The following ZFYVE1 variants were observed in gnomAD, a reference collection of about 807,000 sequenced individuals.
ZFYVE1 encodes zinc finger FYVE-type containing 1.
ZFYVE1 carries 30 observed loss-of-function variants against 74.4 expected under a neutral mutation model. The observed-to-expected ratio is 0.40, with a 90% CI of 0.30 to 0.55. The LOEUF is 0.55. Among genes scored for constraint, ZFYVE1 ranks in the 20% least tolerant of loss-of-function variants. ZFYVE1 has a pLI of 0.42. For synonymous variants in ZFYVE1, 335 were observed against 385.1 expected, an observed-to-expected ratio of 0.87 and a Z score of 1.52; for missense variants, 703 against 1,011.6, an observed-to-expected ratio of 0.69 and a Z score of 4.14.
chr14:72,997,672 C>T, intron 3 of ZFYVE1, 139 bp downstream of exon 3: 4 of 1,174,650 alleles, frequency 3.4e-6, no homozygotes, highest in East Asian at 4.9e-5. Context: ...ACTCCATCCT[C>T]CTTGAAACAC....
At chr14:72,992,736 G>A (rs748183296) in intron 4 of ZFYVE1, among the ~76,000 whole-genome samples, 5 of 150,910 alleles carry the variant, frequency 3.3e-5, no homozygotes, top group African/African-American at 4.9e-5. Flanking sequence ...CTAGTTTTCC[G>A]CTTATAGTGA....
chr14:72,998,319 CA>C lies in ZFYVE1; in HGVS notation c.484-5del, dbSNP rs3061072. The C allele has an allele frequency of 0.038, 45,045 of 1,186,294 alleles. No individual in the cohort carries two copies. The highest frequency in any genetic ancestry group is 0.1 in the East Asian group (3,434 of 34,480). 73.5% of individuals were successfully genotyped at this position (1,186,294 alleles called of 1,614,324 possible). On this transcript the variant is annotated splice_region_variant and splice_polypyrimidine_tract_variant and intron_variant, in intron 2 of 11. Coordinates refer to ENST00000556143, the MANE Select transcript of ZFYVE1 (RefSeq NM_021260.4). Reference sequence around the variant, plus strand: ...TAAAGTCTTCTTCATTTGTTACCTGCAAAAAAAAAAAAAAAGACCATGAAAT... The same window carrying C: ...TAAAGTCTTCTTCATTTGTTACCTGCAAAAAAAAAAAAAAGACCATGAAAT...
intron 3 of ZFYVE1, among the ~76,000 whole-genome samples, chr14:72,995,545 C>T (rs935397577): frequency 6.6e-6 from 1 of 152,132 alleles, no homozygotes; most frequent in African/African-American, 2.4e-5. Context: ...AATACAATAA[C>T]TTTTCAGGGG....
chr14:72,983,982 A>G (rs1024081803), intron 4 of ZFYVE1, among the ~76,000 whole-genome samples: 1 of 152,180 alleles, frequency 6.6e-6, no homozygotes, highest in African/African-American at 2.4e-5. Context: ...AAGTCCCTAC[A>G]AAGGCACGTA....
Position 72,998,264 on chromosome 14 carries a change from G to C in ZFYVE1, c.535C>G (p.His179Asp). 2.5e-6 allele frequency: 4 copies of C among 1,602,912 alleles called. No homozygotes were observed. The highest frequency in any genetic ancestry group is 3.4e-6 in the Non-Finnish European group (4 of 1,174,784). The change falls in exon 3 of 12, where the codon CAT becomes GAT. Residue 179 changes from histidine (H) to aspartate (D), a missense_variant. Physicochemically the swap from His to Asp is moderately conservative, Grantham distance 81. Coordinates refer to ENST00000556143, the MANE Select transcript of ZFYVE1 (RefSeq NM_021260.4). The part of the protein sequence containing the change: ...IRKLDCKPDQ[H>D]LKVVSIFGNT... ...CCAAAAATGGAAACCACTTTCAGAT[G>C]CTGATCAGGTTTGCAGTCCAATTTT...
intron 2 of ZFYVE1, among the ~76,000 whole-genome samples, chr14:73,008,224 A>T (rs1894020384): frequency 6.6e-6 from 1 of 152,168 alleles, no homozygotes; most frequent in South Asian, 2.1e-4. Flanking sequence ...CAATGGCACG[A>T]TCTCGGCTCA....
intron 11 of ZFYVE1, among the ~76,000 whole-genome samples, chr14:72,972,984 C>T (rs1249178055): frequency 6.6e-6 from 1 of 151,708 alleles, no homozygotes; most frequent in Non-Finnish European, 1.5e-5. Context: ...GTATTATAGG[C>T]GTGAGCCACG....
chr14:72,979,432 G>A (rs1443010566), intron 5 of ZFYVE1, among the ~76,000 whole-genome samples: 1 of 151,856 alleles, frequency 6.6e-6, no homozygotes, highest in Admixed American at 6.6e-5. Context: ...CCCAGGAGGT[G>A]GAGGTTGCAG....
At chr14:72,971,162 G>A (rs1428305177) in intron 11 of ZFYVE1, 48 bp from the exon 12 acceptor site, 3 of 1,596,582 alleles carry the variant, frequency 1.9e-6, no homozygotes, top group Non-Finnish European at 2.6e-6. Flanking sequence ...AATACCCCGA[G>A]GCCCAACTAG....
intron 2 of ZFYVE1, among the ~76,000 whole-genome samples, chr14:73,023,195 TTA>T (rs1460578938): frequency 1.3e-4 from 17 of 135,298 alleles, no homozygotes; most frequent in South Asian, 4.4e-4. Context: ...TATATATATT[TTA>T]TATATGTTTT....
intron 11 of ZFYVE1, 106 bp downstream of exon 11, chr14:72,973,974 C>T: frequency 1.1e-6 from 1 of 870,018 alleles, no homozygotes; most frequent in Non-Finnish European, 1.9e-6. Context: ...TCCTTTACCA[C>T]CCATCTCAAT....
rs1275127789 is a variant in ZFYVE1 at position 73,023,336 on chromosome 14, A to G, written c.483+690T>C. Among the ~76,000 whole-genome samples, 28 of 70,450 alleles carry G rather than the reference A, an allele frequency of 4.0e-4. 2 individuals carry two copies. Among genetic ancestry groups the G allele is most frequent in the African/African-American group, 1.6e-3 (27 of 16,636 alleles). 46.2% of individuals were successfully genotyped at this position (70,450 alleles called of 152,430 possible). A position where few individuals can be genotyped will look rare whatever the true frequency, so the allele number is the denominator to read the frequency against. ...GTTTTATATATAATATATATTATATATGTTTTATATATAATATATATTATA... is the reference window on the plus strand; with the variant it reads ...GTTTTATATATAATATATATTATATGTGTTTTATATATAATATATATTATA... On this transcript the variant is annotated intron_variant, in intron 2 of 11. Transcript: ENST00000556143.
chr14:73,000,974 A>C (rs1422264661), intron 2 of ZFYVE1, among the ~76,000 whole-genome samples: 2 of 152,168 alleles, frequency 1.3e-5, no homozygotes, highest in Non-Finnish European at 2.9e-5. Flanking sequence ...ACGTGCTCTT[A>C]CTTTGACCTG....
Position 73,024,163 on chromosome 14 carries a change from G to A in ZFYVE1, c.346C>T (p.His116Tyr), listed in dbSNP as rs1348880985. Residue 116 changes from histidine (H) to tyrosine (Y), a missense_variant, in exon 2 of 12, where the codon CAC (histidine) becomes TAC (tyrosine). His to Tyr is a moderately conservative substitution (Grantham distance 83, BLOSUM62 2). Transcript: ENST00000556143. ...CTGACATTGTACACAGTAACAGGGT[G>A]TCTCCTTTTGTTACCCCCAGAATGA... The part of the protein sequence containing the change: ...RTHSGGNKRR[H>Y]PVTVYNVSNL... 6.2e-7 allele frequency: 1 copy of A among 1,614,048 alleles called. No homozygotes were observed. The highest frequency in any genetic ancestry group is 1.3e-5 in the African/African-American group (1 of 74,916).
Position 72,969,930 on chromosome 14 carries a change from G to T in ZFYVE1, c.*952C>A. ...ATGATCGCCCCTCCGAGAGCTAGAG[G>T]GGTTGTGTGTCTGGGAACAAAGGAT... On this transcript the variant is annotated 3_prime_UTR_variant, in exon 12 of 12. Coordinates refer to ENST00000556143, the MANE Select transcript of ZFYVE1 (RefSeq NM_021260.4). 1 of 594,210 alleles carries T rather than the reference G, an allele frequency of 1.7e-6. No individual in the cohort carries two copies. The highest frequency in any genetic ancestry group is 2.1e-5 in the South Asian group (1 of 47,670). The allele number at this position is 594,210 out of a possible 1,614,324, so 36.8% of individuals were successfully genotyped here. A position where few individuals can be genotyped will look rare whatever the true frequency, so the allele number is the denominator to read the frequency against.
intron 10 of ZFYVE1, 77 bp downstream of exon 10, chr14:72,974,701 GA>G: frequency 6.6e-7 from 1 of 1,505,520 alleles, no homozygotes; most frequent in Non-Finnish European, 9.0e-7. Flanking sequence ...AGGGCATCTG[GA>G]TATCCAGTTC....
Position 72,970,676 on chromosome 14 carries a change from G to A in ZFYVE1, c.*206C>T, listed in dbSNP as rs866654811. On this transcript the variant is annotated 3_prime_UTR_variant, in exon 12 of 12. Coordinates refer to ENST00000556143, the MANE Select transcript of ZFYVE1 (RefSeq NM_021260.4). Reference sequence around the variant, plus strand: ...CGGATTCAGGTTCATTCCCCTTTGCGATAAGTTGCAAGGTCCCCTGCCCTG... The same window carrying A: ...CGGATTCAGGTTCATTCCCCTTTGCAATAAGTTGCAAGGTCCCCTGCCCTG... 54 of 598,958 alleles carry A rather than the reference G, an allele frequency of 9.0e-5. No homozygotes were observed. The Middle Eastern group carries it at 1.8e-3, about 20-fold the overall frequency. The allele number at this position is 598,958 out of a possible 1,614,324, so 37.1% of individuals were successfully genotyped here.
At chr14:72,988,197 CAG>C (rs1893527512) in intron 4 of ZFYVE1, among the ~76,000 whole-genome samples, 1 of 135,082 alleles carries the variant, frequency 7.4e-6, no homozygotes, top group South Asian at 2.5e-4. Context: ...TTTTTTGAGA[CAG>C]AGTCTTGCTC....
At chr14:73,016,183 C>T (rs529855707) in intron 2 of ZFYVE1, among the ~76,000 whole-genome samples, 127 of 152,142 alleles carry the variant, frequency 8.3e-4, no homozygotes, top group African/African-American at 2.9e-3. Flanking sequence ...ATAGATGACT[C>T]GTCAGCATGA....
Sources: gnomAD v4.1 joint callset for allele counts (sites outside exome capture counted in the v4.1 genomes callset) on GRCh38, gnomAD v4.1.1 for gene constraint, MANE v1.5 for transcripts, NCBI Gene and HGNC (gene_info 2026-07-23, HGNC 2026-07-21) for gene names.